The following ZNF654 variants were observed in gnomAD, a reference collection of about 807,000 sequenced individuals.
ZNF654 encodes melanoma-associated antigen.
ZNF654 carries 19 observed loss-of-function variants against 95.3 expected under a neutral mutation model. The observed-to-expected ratio is 0.20, with a 90% CI of 0.14 to 0.29. The LOEUF (loss-of-function observed/expected upper bound fraction) is 0.29. Ranked by LOEUF, ZNF654 falls within the 10% of genes least tolerant of loss-of-function variation. The probability of loss-of-function intolerance (pLI) is 1.00; values close to 1 mark genes in which losing one functional copy is unlikely to be tolerated. For synonymous variants in ZNF654, 413 were observed against 457.9 expected, an observed-to-expected ratio of 0.90 and a Z score of 1.25; for missense variants, 1,046 against 1,341.0, an observed-to-expected ratio of 0.78 and a Z score of 3.44.
At chr3:88,068,461 G>A (rs1707324669) in intron 1 of ZNF654, among the ~76,000 whole-genome samples, 1 of 152,030 alleles carries the variant, frequency 6.6e-6, no homozygotes, top group Non-Finnish European at 1.5e-5. Flanking sequence ...CATATATAAT[G>A]TCATAACAAA....
rs1412281269 is a variant in ZNF654 at position 88,059,276 on chromosome 3, G to A, written c.-44G>A. 4 of 1,532,472 alleles carry A rather than the reference G, an allele frequency of 2.6e-6. No individual in the cohort carries two copies. The highest frequency in any genetic ancestry group is 3.5e-6 in the Non-Finnish European group (4 of 1,146,204). The allele number at this position is 1,532,472 out of a possible 1,614,324, so 94.9% of individuals were successfully genotyped here. A position where few individuals can be genotyped will look rare whatever the true frequency, so the allele number is the denominator to read the frequency against. On this transcript the variant is annotated 5_prime_UTR_variant, in exon 1 of 9. Transcript: ENST00000636215. ...GGTTAGCCTAGGCATCTACGGCGGC[G>A]GCGGCGGCGCAGGGGCTGGTACGCG...
chr3:88,107,259 A>G (rs1240138242), intron 2 of ZNF654, among the ~76,000 whole-genome samples: 1 of 152,108 alleles, frequency 6.6e-6, no homozygotes, highest in Non-Finnish European at 1.5e-5. Context: ...TATTGATGTC[A>G]TGTGTTTTTG....
intron 1 of ZNF654, among the ~76,000 whole-genome samples, chr3:88,066,026 G>A (rs1035356167): frequency 2.0e-5 from 3 of 152,176 alleles, no homozygotes; most frequent in African/African-American, 4.8e-5. Flanking sequence ...GAGCTACCGC[G>A]CCTAGCCCTA....
chr3:88,060,215 T>A (rs1706787101), intron 1 of ZNF654, among the ~76,000 whole-genome samples: 1 of 152,170 alleles, frequency 6.6e-6, no homozygotes, highest in African/African-American at 2.4e-5. Flanking sequence ...CCGGTTAACA[T>A]CACCAACCCC....
intron 2 of ZNF654, among the ~76,000 whole-genome samples, chr3:88,087,472 A>C (rs1176921099): frequency 1.3e-5 from 2 of 152,194 alleles, no homozygotes; most frequent in African/African-American, 2.4e-5. Context: ...CTAAGAACCC[A>C]CTAAAATTAT....
intron 6 of ZNF654, among the ~76,000 whole-genome samples, chr3:88,133,233 T>G (rs180998663): frequency 1.1e-4 from 16 of 152,270 alleles, no homozygotes; most frequent in Admixed American, 9.2e-4. Context: ...CTTTGTGTTT[T>G]AGGGCTTTTC....
chr3:88,126,304 G>T (rs1363599386), intron 4 of ZNF654, 35 bp downstream of exon 4: 2 of 1,425,118 alleles, frequency 1.4e-6, no homozygotes, highest in Non-Finnish European at 1.8e-6. Context: ...ACCAACATTT[G>T]TGAGAAGCAA....
At chr3:88,076,547 GTTAA>G (rs1470052788) in intron 1 of ZNF654, among the ~76,000 whole-genome samples, 2 of 151,840 alleles carry the variant, frequency 1.3e-5, no homozygotes, top group South Asian at 2.1e-4. Flanking sequence ...TTTTTCCACT[GTTAA>G]TTGTGAGTGC....
chr3:88,068,077 G>A (rs1179957011), intron 1 of ZNF654, among the ~76,000 whole-genome samples: 3 of 152,112 alleles, frequency 2.0e-5, no homozygotes, highest in Non-Finnish European at 2.9e-5. Context: ...TTTGTGGTAG[G>A]AGTAAAGTTC....
chr3:88,110,087 T>C (rs1704997357), intron 2 of ZNF654, among the ~76,000 whole-genome samples: 2 of 152,132 alleles, frequency 1.3e-5, no homozygotes, highest in Admixed American at 6.6e-5. Flanking sequence ...TAATAAATAA[T>C]GGTTGTACTA....
intron 8 of ZNF654, among the ~76,000 whole-genome samples, 197 bp from the exon 9 acceptor site, chr3:88,141,448 T>C (rs1707126375): frequency 6.6e-6 from 1 of 152,044 alleles, no homozygotes; most frequent in Admixed American, 6.6e-5. Flanking sequence ...ATCAAGTGAA[T>C]CTGTGTCTCT....
At position 88,126,285 on chromosome 3, in the gene ZNF654, C is replaced by G. The variant is rs927341911; in HGVS notation, c.550+16C>G. The G allele has an allele frequency of 2.7e-6, 4 of 1,458,650 alleles. No individual in the cohort carries two copies. The highest frequency in any genetic ancestry group is 2.5e-5 in the East Asian group (1 of 39,800). 90.4% of individuals were successfully genotyped at this position (1,458,650 alleles called of 1,614,324 possible). ...CAGGAGATAGGTACTTCAGGAGATT[C>G]AAAATCAAACCAACATTTGTGAGAA... is the stretch of plus-strand genomic sequence containing the variant. On this transcript the variant is annotated intron_variant, in intron 4 of 8. Coordinates refer to ENST00000636215, the MANE Select transcript of ZNF654 (RefSeq NM_001350134.2).
chr3:88,082,292 A>G (rs763655810), intron 1 of ZNF654, among the ~76,000 whole-genome samples: 3 of 151,974 alleles, frequency 2.0e-5, no homozygotes, highest in Non-Finnish European at 4.4e-5. Context: ...ACGCCCAGCT[A>G]ATTTTTATAT....
chr3:88,129,391 T>TA, intron 5 of ZNF654, among the ~76,000 whole-genome samples: 1 of 147,980 alleles, frequency 6.8e-6, no homozygotes, highest in Middle Eastern at 3.6e-3. Flanking sequence ...GTACTAGAGG[T>TA]AAAATGCTCA....
At chr3:88,086,424 T>A in intron 2 of ZNF654, 22 bp downstream of exon 2, 1 of 1,457,698 alleles carries the variant, frequency 6.9e-7, no homozygotes, top group Non-Finnish European at 9.1e-7. Context: ...TTACTTCTTA[T>A]AAATGCATTA....
At chr3:88,076,545 CTG>C (rs1431527354) in intron 1 of ZNF654, among the ~76,000 whole-genome samples, 1 of 152,042 alleles carries the variant, frequency 6.6e-6, no homozygotes, top group Non-Finnish European at 1.5e-5. Flanking sequence ...AATTTTTCCA[CTG>C]TTAATTGTGA....
chr3:88,136,996 A>T (rs1706826227), intron 7 of ZNF654, among the ~76,000 whole-genome samples: 1 of 152,076 alleles, frequency 6.6e-6, no homozygotes. Flanking sequence ...GAAGTTCAAG[A>T]CCAGTCTGGC....
At chr3:88,121,673 CCAAT>C (rs1454412007) in intron 3 of ZNF654, among the ~76,000 whole-genome samples, 8 of 152,090 alleles carry the variant, frequency 5.3e-5, no homozygotes, top group South Asian at 2.1e-4. Flanking sequence ...TATGAGATAA[CCAAT>C]CAATGTGTAA....
At chr3:88,141,555 T>C in intron 8 of ZNF654, 90 bp from the exon 9 acceptor site, 1 of 951,086 alleles carries the variant, frequency 1.1e-6, no homozygotes, top group Non-Finnish European at 1.5e-6. Context: ...TCCTTTAAAA[T>C]GACAGGGTAT....
Sources: allele counts gnomAD v4.1 joint callset (sites outside exome capture counted in the v4.1 genomes callset), GRCh38; gene constraint gnomAD v4.1.1; transcripts MANE v1.5; gene names NCBI Gene and HGNC (gene_info 2026-07-23, HGNC 2026-07-21).